SLC2A3: variants seen among roughly 807,000 people sequenced by gnomAD.
SLC2A3 encodes the protein solute carrier family 2, facilitated glucose transporter member 3.
In SLC2A3, 21 loss-of-function variants were observed where a neutral mutation model predicts 46.4. The observed-to-expected ratio is 0.45, with a 90% CI of 0.32 to 0.65. SLC2A3 has a LOEUF of 0.65. Ranked by LOEUF, SLC2A3 falls within the 30% of genes least tolerant of loss-of-function variation. The pLI, the probability that SLC2A3 is intolerant of heterozygous loss-of-function variation, is 0.04. For missense variants in SLC2A3, 499 were observed against 623.3 expected (o/e 0.80, Z 2.12); for synonymous variants, 213 against 239.4 (o/e 0.89, Z 1.02).
chr12:7,920,295 G>C lies in SLC2A3; in HGVS notation c.*1118C>G, dbSNP rs761547227. ...TCTCTACCAAGAACCAATTATTTTA[G>C]GTTTCTTATTTGGATGGCTCTCCCA... On this transcript the variant is annotated 3_prime_UTR_variant, in exon 10 of 10. Transcript: ENST00000075120. 6.6e-6 allele frequency: 1 copy of C among 152,046 alleles called. No homozygotes were observed. Among genetic ancestry groups the C allele is most frequent in the East Asian group, 1.9e-4 (1 of 5,174 alleles). The allele number at this position is 152,046 out of a possible 1,614,324, so 9.4% of individuals were successfully genotyped here. A position where few individuals can be genotyped will look rare whatever the true frequency, so the allele number is the denominator to read the frequency against.
chr12:7,925,638 C>T (rs1565603036), intron 7 of SLC2A3: 5 of 523,484 alleles, frequency 9.6e-6, no homozygotes, highest in Non-Finnish European at 1.0e-5. Context: ...CTATATAGTC[C>T]CTTCTATACT....
intron 5 of SLC2A3, chr12:7,930,185 ATGT>A: frequency 1.9e-6 from 1 of 529,944 alleles, no homozygotes; most frequent in South Asian, 2.4e-5. Flanking sequence ...GGGTTTCTCC[ATGT>A]TGTTTCAGGC....
intron 7 of SLC2A3, 67 bp from the exon 8 acceptor site, chr12:7,924,578 A>G: frequency 6.7e-7 from 1 of 1,484,794 alleles, no homozygotes; most frequent in Non-Finnish European, 9.1e-7. Context: ...GAGCTACTTG[A>G]AATCTGCCTT....
chr12:7,926,683 G>A (rs1264545318), intron 6 of SLC2A3, among the ~76,000 whole-genome samples: 4 of 152,132 alleles, frequency 2.6e-5, no homozygotes, highest in Admixed American at 1.3e-4. Flanking sequence ...TTTTTAATTG[G>A]CTCTTCCCCA....
chr12:7,934,497 G>A (rs996236507), intron 1 of SLC2A3, among the ~76,000 whole-genome samples: 1 of 151,940 alleles, frequency 6.6e-6, no homozygotes, highest in African/African-American at 2.4e-5. Flanking sequence ...CCTAACTCCC[G>A]CGCAGGGGAA....
intron 5 of SLC2A3, 167 bp downstream of exon 5, chr12:7,930,313 C>A (rs116890776): frequency 7.0e-6 from 5 of 709,266 alleles, no homozygotes; most frequent in Non-Finnish European, 9.0e-6. Context: ...CGCCTTTTCA[C>A]CTCATTCTTT....
intron 1 of SLC2A3, 57 bp from the exon 2 acceptor site, chr12:7,933,959 GTT>G (rs1946186885): frequency 6.7e-7 from 1 of 1,499,884 alleles, no homozygotes; most frequent in African/African-American, 1.4e-5. Flanking sequence ...ATTGATGACT[GTT>G]TCTTATTAAT....
intron 7 of SLC2A3, 154 bp downstream of exon 7, chr12:7,925,690 G>A (rs1946088220): frequency 4.8e-6 from 3 of 625,512 alleles, no homozygotes; most frequent in Non-Finnish European, 8.5e-6. Context: ...GAAGAGTGAA[G>A]ACTACATCCA....
At position 7,920,469 on chromosome 12, in the gene SLC2A3, C is replaced by T. The variant is rs1469815056; in HGVS notation, c.*944G>A. On this transcript the variant is annotated 3_prime_UTR_variant, in exon 10 of 10. Transcript: ENST00000075120. ...AGAACCCATCAACCATCATTAACTACAATGCCCATATTAGTTAATAATCCT... is the reference window on the plus strand; with the variant it reads ...AGAACCCATCAACCATCATTAACTATAATGCCCATATTAGTTAATAATCCT... The T allele has an allele frequency of 1.3e-5, 2 of 152,136 alleles. No homozygotes were observed. Among genetic ancestry groups the T allele is most frequent in the Non-Finnish European group, 2.9e-5 (2 of 68,014 alleles). 9.4% of individuals were successfully genotyped at this position (152,136 alleles called of 1,614,324 possible).
At chr12:7,922,397 C>A (rs1030386763) in intron 9 of SLC2A3, among the ~76,000 whole-genome samples, 1 of 152,048 alleles carries the variant, frequency 6.6e-6, no homozygotes, top group Non-Finnish European at 1.5e-5. Context: ...TTTATTTCTG[C>A]AATTTTCCAT....
chr12:7,933,042 C>T lies in SLC2A3; in HGVS notation c.214G>A (p.Val72Ile), dbSNP rs750324429. Residue 72 changes from valine to isoleucine, a missense_variant, in exon 3 of 10, where the codon GTC becomes ATC. By Grantham distance (29) the Val-to-Ile change is conservative. Around this residue, in one of 5 missense-constraint regions of SLC2A3, gnomAD observed 248 missense variants for 284.0 expected, o/e 0.87. Coordinates refer to ENST00000075120, the MANE Select transcript of SLC2A3 (RefSeq NM_006931.3). ...GAAAAGGAGCCGATCATACCCCCGA[C>T]GGAAAATATGGCCACAGACAAGGAC... ...LWSLSVAIFS[V>I]GGMIGSFSVG... 96 of 1,613,948 alleles carry T rather than the reference C, an allele frequency of 5.9e-5. 4 individuals are homozygous for T. In the South Asian group the frequency reaches 6.1e-4, roughly 10 times the overall value.
intron 6 of SLC2A3, among the ~76,000 whole-genome samples, chr12:7,928,948 C>A (rs1025883048): frequency 3.3e-5 from 5 of 151,876 alleles, no homozygotes; most frequent in Non-Finnish European, 5.9e-5. Context: ...GAGCAGCCAC[C>A]ACACTTGGCT....
chr12:7,936,063 A>G lies in SLC2A3; in HGVS notation c.-29T>C. 1 of 1,596,120 alleles carries G rather than the reference A, an allele frequency of 6.3e-7. No individual in the cohort carries two copies. The highest frequency in any genetic ancestry group is 8.6e-7 in the Non-Finnish European group (1 of 1,163,664). ...TGTAATCTAATTCAAGTCTTCAAGA[A>G]AGATCTAGGGGTGATTCCAGAAACA... On this transcript the variant is annotated 5_prime_UTR_variant, in exon 1 of 10. Coordinates refer to ENST00000075120, the MANE Select transcript of SLC2A3 (RefSeq NM_006931.3).
Position 7,930,574 on chromosome 12 carries a change from A to G in SLC2A3, c.579T>C (p.Leu193=). ...GGGCTGCACTTTGTAGGATAGCAGG[A>G]AGGATGGTAAAACCCAGTAGCAGCG... ...LWPLLLGFTI[L]PAILQSAALP... The change falls in exon 5 of 10, where the codon CTT becomes CTC. Residue 193 remains leucine, a synonymous_variant. Coordinates refer to ENST00000075120, the MANE Select transcript of SLC2A3 (RefSeq NM_006931.3). 1 of 1,614,008 alleles carries G rather than the reference A, an allele frequency of 6.2e-7. No homozygotes were observed. Among genetic ancestry groups the G allele is most frequent in the Non-Finnish European group, 8.5e-7 (1 of 1,179,948 alleles).
chr12:7,933,015 C>T lies in SLC2A3; in HGVS notation c.241G>A (p.Val81Ile), dbSNP rs759843926. ...SVGGMIGSFS[V>I]GLFVNRFGRR... Reference sequence around the variant, plus strand: ...CCAAAGCGGTTGACGAAGAGTCCGACGGAAAAGGAGCCGATCATACCCCCG... The same window carrying T: ...CCAAAGCGGTTGACGAAGAGTCCGATGGAAAAGGAGCCGATCATACCCCCG... The change falls in exon 3 of 10, where the codon GTC becomes ATC. Residue 81 changes from valine to isoleucine, a missense_variant. Val to Ile is a conservative substitution (Grantham distance 29, BLOSUM62 3). Coordinates refer to ENST00000075120, the MANE Select transcript of SLC2A3 (RefSeq NM_006931.3). 18 of 1,613,918 alleles carry T rather than the reference C, an allele frequency of 1.1e-5. No individual in the cohort carries two copies. The African/African-American group carries it at 1.5e-4, about 13-fold the overall frequency.
intron 3 of SLC2A3, 126 bp from the exon 4 acceptor site, chr12:7,931,611 T>A: frequency 7.2e-7 from 1 of 1,390,758 alleles, no homozygotes; most frequent in Non-Finnish European, 9.7e-7. Flanking sequence ...CTAACTTTTG[T>A]TTTTCACTTT....
chr12:7,921,511 A>T lies in SLC2A3; in HGVS notation c.1393T>A (p.Phe465Ile). 6.2e-7 allele frequency: 1 copy of T among 1,613,934 alleles called. No homozygotes were observed. Among genetic ancestry groups the T allele is most frequent in the Non-Finnish European group, 8.5e-7 (1 of 1,179,848 alleles). ...TCTGCACCGTGTGCCTGCCCTTCAA[A>T]GGCCCGTGTGATATCCTCAAAAGTC... Reference protein sequence around the residue: ...GRTFEDITRAFEGQAHGADRS... With the variant: ...GRTFEDITRAIEGQAHGADRS... The change falls in exon 10 of 10, where the codon TTT becomes ATT. Residue 465 changes from phenylalanine (F) to isoleucine (I), a missense_variant. Phe to Ile is a conservative substitution (Grantham distance 21). Transcript: ENST00000075120.
At chr12:7,932,772 A>G (rs754892101) in intron 3 of SLC2A3, 13 of 589,404 alleles carry the variant, frequency 2.2e-5, no homozygotes, top group Non-Finnish European at 3.8e-5. Flanking sequence ...AATCACTCAC[A>G]GTTCATCTCT....
intron 6 of SLC2A3, among the ~76,000 whole-genome samples, chr12:7,928,996 T>A (rs1350645211): frequency 1.3e-5 from 2 of 151,952 alleles, no homozygotes; most frequent in Non-Finnish European, 2.9e-5. Flanking sequence ...TAACCCCTCA[T>A]AAGAAGCACT....
Sources: gnomAD v4.1 joint callset for allele counts (sites outside exome capture counted in the v4.1 genomes callset) on GRCh38, gnomAD v4.1.1 for gene constraint, gnomAD v4.1.1 regional missense constraint, MANE v1.5 for transcripts, NCBI Gene and HGNC (gene_info 2026-07-23, HGNC 2026-07-21) for gene names.